TECPR2: variants seen among roughly 807,000 people sequenced by gnomAD.
The protein encoded by TECPR2 is tectonin beta-propeller repeat-containing protein 2.
Under a neutral mutation model 138.1 loss-of-function variants are expected in TECPR2, and 65 were observed. The observed-to-expected ratio is 0.47, with a 90% confidence interval of 0.39 to 0.58. The LOEUF is 0.58. Ranked by LOEUF, TECPR2 falls within the 20% of genes least tolerant of loss-of-function variation. The probability of loss-of-function intolerance (pLI) is 0.00; values close to 1 mark genes in which losing one functional copy is unlikely to be tolerated. For missense variants in TECPR2, 1,553 were observed against 1,824.5 expected (o/e 0.85, Z 2.71); for synonymous variants, 746 against 749.8 (o/e 0.99, Z 0.08).
chr14:102,494,630 G>A (rs1042417304), intron 17 of TECPR2, among the ~76,000 whole-genome samples: 6 of 151,004 alleles, frequency 4.0e-5, no homozygotes, highest in African/African-American at 1.5e-4. Flanking sequence ...GAGTTCGAGA[G>A]CAGCCTCAAC....
chr14:102,383,098 A>G (rs919055577), intron 2 of TECPR2, among the ~76,000 whole-genome samples: 1 of 152,154 alleles, frequency 6.6e-6, no homozygotes, highest in African/African-American at 2.4e-5. Flanking sequence ...TTATATGTGT[A>G]TGCCTGTTTA....
At position 102,425,067 on chromosome 14, in the gene TECPR2, T is replaced by C. The variant is rs778399805; in HGVS notation, c.727T>C (p.Trp243Arg). ...LYASRPGLRL[W>R]KADVHGTVQA... ...TGCGTCACGGCCCGGGCTCCGGCTA[T>C]GGAAGGCTGATGTCCACGGGACTGT... Residue 243 changes from tryptophan to arginine, a missense_variant, in exon 6 of 20, where the codon TGG (tryptophan) becomes CGG (arginine). Trp to Arg is a moderately radical substitution (Grantham distance 101). Transcript: ENST00000359520. 1 of 1,614,176 alleles carries C rather than the reference T, an allele frequency of 6.2e-7. No individual in the cohort carries two copies. The highest frequency in any genetic ancestry group is 1.1e-5 in the South Asian group (1 of 91,086).
rs1452381473 is a variant in TECPR2 at position 102,403,437 on chromosome 14, C to T, written c.220-3901C>T. Among the ~76,000 whole-genome samples, 7 of 152,244 alleles carry T rather than the reference C, an allele frequency of 4.6e-5. No individual in the cohort carries two copies. The East Asian group carries it at 7.7e-4, about 17-fold the overall frequency. Reference sequence around the variant, plus strand: ...AACAATTATACTTAATGGTAAAAAACGGAAAGCTTTTCCTCTAAGATCAGA... The same window carrying T: ...AACAATTATACTTAATGGTAAAAAATGGAAAGCTTTTCCTCTAAGATCAGA... On this transcript the variant is annotated intron_variant, in intron 2 of 19. Transcript: ENST00000359520.
chr14:102,411,261 T>G (rs962753036), intron 4 of TECPR2, among the ~76,000 whole-genome samples: 1 of 152,260 alleles, frequency 6.6e-6, no homozygotes, highest in Non-Finnish European at 1.5e-5. Flanking sequence ...TTTGTTTTAT[T>G]TTTCTTATTA....
At chr14:102,476,654 A>G (rs886852312) in intron 17 of TECPR2, among the ~76,000 whole-genome samples, 3 of 152,200 alleles carry the variant, frequency 2.0e-5, no homozygotes, top group Non-Finnish European at 4.4e-5. Context: ...GAAGGGTGAC[A>G]GGAAAAAAAG....
At chr14:102,487,352 C>G (rs2139792997) in intron 17 of TECPR2, among the ~76,000 whole-genome samples, 1 of 152,312 alleles carries the variant, frequency 6.6e-6, no homozygotes, top group South Asian at 2.1e-4. Flanking sequence ...ATACATGTTT[C>G]CTTTGGCTGT....
chr14:102,480,369 C>T (rs1188532550), intron 17 of TECPR2, among the ~76,000 whole-genome samples: 4 of 152,024 alleles, frequency 2.6e-5, no homozygotes, highest in Non-Finnish European at 5.9e-5. Flanking sequence ...GGACTACAGG[C>T]GCCCACCACC....
chr14:102,434,802 A>T lies in TECPR2; in HGVS notation c.1985A>T (p.Gln662Leu). 6.2e-7 allele frequency: 1 copy of T among 1,613,414 alleles called. No individual in the cohort carries two copies. The highest frequency in any genetic ancestry group is 8.5e-7 in the Non-Finnish European group (1 of 1,180,022). ...CTCAGCTGGGCCCCAAGTGCTGAACAGTGGCTGCCTGGGACCAGAGCTGAT... is the reference window on the plus strand; with the variant it reads ...CTCAGCTGGGCCCCAAGTGCTGAACTGTGGCTGCCTGGGACCAGAGCTGAT... ...SSLSWAPSAEQWLPGTRADEG... is the reference protein window; with the variant it reads ...SSLSWAPSAELWLPGTRADEG... The change falls in exon 9 of 20, where the codon CAG becomes CTG. Residue 662 changes from glutamine to leucine, a missense_variant. By Grantham distance (113) the Gln-to-Leu change is moderately radical (BLOSUM62 -2). Coordinates refer to ENST00000359520, the MANE Select transcript of TECPR2 (RefSeq NM_014844.5).
chr14:102,406,282 C>A (rs1420609677), intron 2 of TECPR2, among the ~76,000 whole-genome samples: 1 of 152,140 alleles, frequency 6.6e-6, no homozygotes, highest in Non-Finnish European at 1.5e-5. Flanking sequence ...GGCATGGTGG[C>A]CCACACCTGT....
chr14:102,445,300 T>C (rs1266175648), intron 12 of TECPR2, among the ~76,000 whole-genome samples: 3 of 151,992 alleles, frequency 2.0e-5, no homozygotes, highest in Admixed American at 1.3e-4. Context: ...GCCTGGCACA[T>C]CGGGGGAGTT....
At chr14:102,491,085 G>A (rs1472556367) in intron 17 of TECPR2, among the ~76,000 whole-genome samples, 1 of 151,230 alleles carries the variant, frequency 6.6e-6, no homozygotes, top group Non-Finnish European at 1.5e-5. Context: ...GTAGAGATGG[G>A]GTTTCATCAT....
chr14:102,380,250 A>T (rs973816106), intron 2 of TECPR2, among the ~76,000 whole-genome samples: 2 of 152,260 alleles, frequency 1.3e-5, no homozygotes, highest in African/African-American at 4.8e-5. Flanking sequence ...TCCTAGTCAC[A>T]CTGCTAAAGA....
rs527928145 is a variant in TECPR2, at chr14:102,393,812, G to A, written c.220-13526G>A. 5.3e-5 allele frequency among the ~76,000 whole-genome samples: 8 copies of A among 152,122 alleles called. No individual in the cohort carries two copies. The South Asian group carries it at 1.2e-3, about 24-fold the overall frequency. On this transcript the variant is annotated intron_variant, in intron 2 of 19. Transcript: ENST00000359520. The stretch of plus-strand genomic sequence containing the variant: ...TGACTTCAAATGATCCACCCGCCTC[G>A]GCCTCCCAAAGTGCTGGGATTATAG...
chr14:102,388,681 G>A lies in TECPR2; in HGVS notation c.219+11741G>A, dbSNP rs544320991. On this transcript the variant is annotated intron_variant, in intron 2 of 19. Coordinates refer to ENST00000359520, the MANE Select transcript of TECPR2 (RefSeq NM_014844.5). Reference sequence around the variant, plus strand: ...GTCTCTACTAAAAATACAAAAAAAAGGCCGGGTGCGGTGCCTCACACCTGT... The same window carrying A: ...GTCTCTACTAAAAATACAAAAAAAAAGCCGGGTGCGGTGCCTCACACCTGT... Among the ~76,000 whole-genome samples the A allele has an allele frequency of 2.6e-5, 4 of 151,986 alleles. No homozygotes were observed. In the South Asian group the frequency reaches 8.3e-4, roughly 32 times the overall value.
At chr14:102,455,236 C>G (rs1241853926) in intron 16 of TECPR2, among the ~76,000 whole-genome samples, 1 of 152,128 alleles carries the variant, frequency 6.6e-6, no homozygotes, top group Non-Finnish European at 1.5e-5. Context: ...TGTGGATGGG[C>G]AGGTTTTCAC....
chr14:102,445,761 T>C, intron 12 of TECPR2, 45 bp from the exon 13 acceptor site: 1 of 1,583,814 alleles, frequency 6.3e-7, no homozygotes, highest in Non-Finnish European at 8.6e-7. Flanking sequence ...CACTGGGCAC[T>C]CTGCCTATGG....
chr14:102,430,815 T>C (rs1889451102), intron 7 of TECPR2, among the ~76,000 whole-genome samples: 1 of 152,200 alleles, frequency 6.6e-6, no homozygotes, highest in South Asian at 2.1e-4. Flanking sequence ...GAGTTTGTTC[T>C]AATGGAAAAT....
At chr14:102,431,349 T>TC (rs1204091265) in intron 7 of TECPR2, among the ~76,000 whole-genome samples, 4 of 146,908 alleles carry the variant, frequency 2.7e-5, no homozygotes, top group South Asian at 2.2e-4. Context: ...GATTTTTTTT[T>TC]TTTTTTTTTT....
intron 1 of TECPR2, among the ~76,000 whole-genome samples, chr14:102,374,501 C>A (rs913028724): frequency 1.3e-5 from 2 of 152,158 alleles, no homozygotes; most frequent in African/African-American, 4.8e-5. Flanking sequence ...GTGGCTCATA[C>A]CTGTAATCCC....
Sources: gnomAD v4.1 joint callset for allele counts (sites outside exome capture counted in the v4.1 genomes callset) on GRCh38, gnomAD v4.1.1 for gene constraint, MANE v1.5 for transcripts, NCBI Gene and HGNC (gene_info 2026-07-23, HGNC 2026-07-21) for gene names.